The following CALHM2 variants were observed in gnomAD, a reference collection of about 807,000 sequenced individuals.
CALHM2 encodes the protein calcium homeostasis modulator protein 2.
A neutral mutation model predicts 20.4 loss-of-function variants in CALHM2; 18 were observed. The observed-to-expected ratio is 0.88, with a 90% confidence interval of 0.61 to 1.31. The LOEUF (loss-of-function observed/expected upper bound fraction) is 1.31. Among genes scored for constraint, CALHM2 ranks in the 50% most tolerant of loss-of-function variants. The pLI, the probability that CALHM2 is intolerant of heterozygous loss-of-function variation, is 0.00. For missense variants in CALHM2, 411 were observed against 435.7 expected (o/e 0.94, Z 0.50); for synonymous variants, 193 against 192.1 (o/e 1.00, Z -0.04).
At position 103,447,087 on chromosome 10, in the gene CALHM2, G is replaced by A. The variant is rs2032666661; in HGVS notation, c.*65C>T. 2.1e-6 allele frequency: 3 copies of A among 1,447,750 alleles called. No individual in the cohort carries two copies. The highest frequency in any genetic ancestry group is 2.8e-5 in the African/African-American group (2 of 70,308). The allele number at this position is 1,447,750 out of a possible 1,614,324, so 89.7% of individuals were successfully genotyped here. A position where few individuals can be genotyped will look rare whatever the true frequency, so the allele number is the denominator to read the frequency against. On this transcript the variant is annotated 3_prime_UTR_variant, in exon 4 of 4. Coordinates refer to ENST00000260743, the MANE Select transcript of CALHM2 (RefSeq NM_015916.5). ...AAATCCCCTTCTGATATGGATGTGA[G>A]CAAGCAGTGGGGTTCAGTTTGGGAC... is the stretch of plus-strand genomic sequence containing the variant.
intron 3 of CALHM2, among the ~76,000 whole-genome samples, 180 bp from the exon 4 acceptor site, chr10:103,447,748 C>T (rs2296513): frequency 0.08 from 12,240 of 152,228 alleles, 579 homozygotes; most frequent in East Asian, 0.21. Context: ...ACTTAGCCTG[C>T]GTTTTCTGCT....
chr10:103,446,804 CTT>C lies in CALHM2; in HGVS notation c.*346_*347del, dbSNP rs1225640721. The C allele has an allele frequency of 2.1e-5, 4 of 188,454 alleles. No individual in the cohort carries two copies. Among genetic ancestry groups the C allele is most frequent in the South Asian group, 1.9e-4 (1 of 5,224 alleles). The allele number at this position is 188,454 out of a possible 1,614,324, so 11.7% of individuals were successfully genotyped here. ...AGGCTAGTCCTTTTAGTAAGAAAAA[CTT>C]TATCAAAAATTTAAATATATAAAAT... On this transcript the variant is annotated 3_prime_UTR_variant, in exon 4 of 4. Transcript: ENST00000260743.
Position 103,449,649 on chromosome 10 carries a change from G to A in CALHM2, c.293C>T (p.Pro98Leu), listed in dbSNP as rs1322102299. 4 of 1,613,764 alleles carry A rather than the reference G, an allele frequency of 2.5e-6. No homozygotes were observed. Among genetic ancestry groups the A allele is most frequent in the Admixed American group, 3.3e-5 (2 of 60,016 alleles). The change falls in exon 3 of 4, where the codon CCC becomes CTC. Residue 98 changes from proline to leucine, a missense_variant. Physicochemically the swap from Pro to Leu is moderately conservative, Grantham distance 98. Transcript: ENST00000260743. The stretch of plus-strand genomic sequence containing the variant: ...GATGGAGCTTAGAAGGAGGAAGGTG[G>A]GGGCGGCGGAGCAGTTCTTGGTCCT... The part of the protein sequence containing the change: ...HRRTKNCSAA[P>L]TFLLLSSILG...
intron 2 of CALHM2, 76 bp from the exon 3 acceptor site, chr10:103,450,175 G>A (rs1285606116): frequency 1.8e-6 from 1 of 570,576 alleles, no homozygotes; most frequent in Non-Finnish European, 3.1e-6. Flanking sequence ...GGACAGGCTG[G>A]GGAGAAAGGA....
chr10:103,447,405 C>G lies in CALHM2; in HGVS notation c.719G>C (p.Arg240Pro). 5 of 1,614,142 alleles carry G rather than the reference C, an allele frequency of 3.1e-6. No homozygotes were observed. Among genetic ancestry groups the G allele is most frequent in the Non-Finnish European group, 3.4e-6 (4 of 1,179,982 alleles). Residue 240 changes from arginine (R) to proline (P), a missense_variant, in exon 4 of 4, where the codon CGG becomes CCG. Physicochemically the swap from Arg to Pro is moderately radical, Grantham distance 103 (BLOSUM62 -2). Coordinates refer to ENST00000260743, the MANE Select transcript of CALHM2 (RefSeq NM_015916.5). Reference protein sequence around the residue: ...LFQRTAEVHSRVLAANNVRRF... With the variant: ...LFQRTAEVHSPVLAANNVRRF... ...GCGCACATTGTTGGCAGCGAGCACC[C>G]GAGAGTGCACCTCGGCCGTGCGCTG...
rs2133792512 is a variant in CALHM2, at chr10:103,449,419, C to T, written c.523G>A (p.Glu175Lys). 2 of 1,613,140 alleles carry T rather than the reference C, an allele frequency of 1.2e-6. No homozygotes were observed. Among genetic ancestry groups the T allele is most frequent in the Non-Finnish European group, 8.5e-7 (1 of 1,180,032 alleles). Reference protein sequence around the residue: ...NPDNLSDFREEVSRRLRYESQ... With the variant: ...NPDNLSDFREKVSRRLRYESQ... ...TCATACCTGAGCCTGCGGCTGACCT[C>T]CTCCCGGAAGTCTGACAGGTTGTCA... The change falls in exon 3 of 4, where the codon GAG becomes AAG. Residue 175 changes from glutamate to lysine, a missense_variant. Transcript: ENST00000260743.
intron 2 of CALHM2, chr10:103,450,335 A>T (rs1460089892): frequency 4.7e-6 from 1 of 213,674 alleles, no homozygotes; most frequent in African/African-American, 2.3e-5. Flanking sequence ...CCTGAGGACG[A>T]GTGGCTCGCC....
intron 3 of CALHM2, among the ~76,000 whole-genome samples, chr10:103,448,198 G>A (rs2032765839): frequency 6.6e-6 from 1 of 151,488 alleles, no homozygotes; most frequent in Non-Finnish European, 1.5e-5. Flanking sequence ...CCAGGCTGGA[G>A]TACAGTGGCG....
Position 103,449,804 on chromosome 10 carries a change from G to A in CALHM2, c.138C>T (p.Cys46=), listed in dbSNP as rs373245018. 35 of 1,613,450 alleles carry A rather than the reference G, an allele frequency of 2.2e-5. No individual in the cohort carries two copies. The highest frequency in any genetic ancestry group is 1.2e-4 in the South Asian group (11 of 91,080). Residue 46 remains cysteine (C), a synonymous_variant, in exon 3 of 4, where the codon TGC becomes TGT. Transcript: ENST00000260743. The part of the protein sequence containing the change: ...QELFSVVAFH[C]PCSPARNYLY... ...GGTAGTTCCGGGCCGGCGAGCAGGG[G>A]CAGTGGAAGGCCACCACAGAGAACA... is the stretch of plus-strand genomic sequence containing the variant.
Position 103,451,191 on chromosome 10 carries a change from A to G in CALHM2, c.-267T>C, listed in dbSNP as rs1288867211. 1 of 152,626 alleles carries G rather than the reference A, an allele frequency of 6.6e-6. No homozygotes were observed. The highest frequency in any genetic ancestry group is 1.5e-5 in the Non-Finnish European group (1 of 68,374). The allele number at this position is 152,626 out of a possible 1,614,324, so 9.5% of individuals were successfully genotyped here. ...GCTCCGCTCCACCCCGCCTGCCAGC[A>G]ACAGGAAGCCCTGGTGAGACCAAAG... On this transcript the variant is annotated 5_prime_UTR_variant, in exon 2 of 4. Coordinates refer to ENST00000260743, the MANE Select transcript of CALHM2 (RefSeq NM_015916.5).
chr10:103,447,713 T>C lies in CALHM2; in HGVS notation c.556-145A>G, dbSNP rs566584744. 4.4e-6 allele frequency: 3 copies of C among 687,538 alleles called. No homozygotes were observed. The East Asian group carries it at 8.4e-5, about 19-fold the overall frequency. 42.6% of individuals were successfully genotyped at this position (687,538 alleles called of 1,614,324 possible). A position where few individuals can be genotyped will look rare whatever the true frequency, so the allele number is the denominator to read the frequency against. On this transcript the variant is annotated intron_variant, in intron 3 of 3. Coordinates refer to ENST00000260743, the MANE Select transcript of CALHM2 (RefSeq NM_015916.5). ...GATTCCATCGTTTCCTTACCCCCTT[T>C]AACTCACACTCTACTTGCGCTTAGA...
chr10:103,450,837 G>T (rs369032681), intron 2 of CALHM2: 11 of 152,300 alleles, frequency 7.2e-5, no homozygotes, highest in African/African-American at 2.2e-4. Flanking sequence ...AATAAAAGAT[G>T]CCTGATTGTG....
rs554630072 is a variant in CALHM2 at position 103,447,406 on chromosome 10, G to A, written c.718C>T (p.Arg240Trp). Reference sequence around the variant, plus strand: ...CGCACATTGTTGGCAGCGAGCACCCGAGAGTGCACCTCGGCCGTGCGCTGG... The same window carrying A: ...CGCACATTGTTGGCAGCGAGCACCCAAGAGTGCACCTCGGCCGTGCGCTGG... Reference protein sequence around the residue: ...LFQRTAEVHSRVLAANNVRRF... With the variant: ...LFQRTAEVHSWVLAANNVRRF... Residue 240 changes from arginine to tryptophan, a missense_variant, in exon 4 of 4, where the codon CGG (arginine) becomes TGG (tryptophan). Coordinates refer to ENST00000260743, the MANE Select transcript of CALHM2 (RefSeq NM_015916.5). 7.9e-5 allele frequency: 127 copies of A among 1,614,172 alleles called. No individual in the cohort carries two copies. In the South Asian group the frequency reaches 9.8e-4, roughly 12 times the overall value.
Position 103,449,531 on chromosome 10 carries a change from G to A in CALHM2, c.411C>T (p.Asp137=). The A allele has an allele frequency of 6.2e-7, 1 of 1,613,682 alleles. No individual in the cohort carries two copies. The highest frequency in any genetic ancestry group is 8.5e-7 in the Non-Finnish European group (1 of 1,180,026). The change falls in exon 3 of 4, where the codon GAC becomes GAT. Residue 137 remains aspartate (D), a synonymous_variant. Transcript: ENST00000260743. ...CTTCCCTGGCCGTGAGTGAGGAAGGGTCCACGAACTCACTGAGAGCACAGA... is the reference window on the plus strand; with the variant it reads ...CTTCCCTGGCCGTGAGTGAGGAAGGATCCACGAACTCACTGAGAGCACAGA... ...AYVCALSEFV[D]PSSLTAREEH...
Sources: gnomAD v4.1 joint callset for allele counts (sites outside exome capture counted in the v4.1 genomes callset) on GRCh38, gnomAD v4.1.1 for gene constraint, MANE v1.5 for transcripts, NCBI Gene and HGNC (gene_info 2026-07-23, HGNC 2026-07-21) for gene names.